KDELR3: variants seen among roughly 807,000 people sequenced by gnomAD.
KDELR3 encodes ER lumen protein-retaining receptor 3.
KDELR3 carries 26 observed loss-of-function variants against 22.7 expected under a neutral mutation model. The observed-to-expected ratio is 1.15, with a 90% CI of 0.84 to 1.59. KDELR3 has a LOEUF of 1.59. Ranked by LOEUF, KDELR3 falls within the 40% of genes most tolerant of loss-of-function variation. KDELR3 has a pLI of 0.00. For synonymous variants in KDELR3, 120 were observed against 98.2 expected (o/e 1.22, Z -1.31); for missense variants, 289 against 251.1 (o/e 1.15, Z -1.02).
chr22:38,469,802 G>A (rs2089513426), intron 1 of KDELR3, among the ~76,000 whole-genome samples: 1 of 152,174 alleles, frequency 6.6e-6, no homozygotes, highest in Non-Finnish European at 1.5e-5. Flanking sequence ...CCCTGGTGGA[G>A]CTGACTTTCT....
At chr22:38,474,323 G>A (rs1382714381) in intron 1 of KDELR3, 200 bp from the exon 2 acceptor site, 1 of 530,014 alleles carries the variant, frequency 1.9e-6, no homozygotes, top group East Asian at 3.3e-5. Context: ...ACAGTTTAAT[G>A]AGAGGAACGA....
At chr22:38,474,265 C>A (rs1012115830) in intron 1 of KDELR3, 1 of 357,246 alleles carries the variant, frequency 2.8e-6, no homozygotes, top group South Asian at 3.6e-5. Flanking sequence ...CGCAGGGGGA[C>A]TGGGAACTCG....
chr22:38,475,156 A>T (rs931229543), intron 2 of KDELR3, among the ~76,000 whole-genome samples: 2 of 151,636 alleles, frequency 1.3e-5, no homozygotes. Context: ...ATTAAATGAG[A>T]TAATAAATGT....
intron 2 of KDELR3, among the ~76,000 whole-genome samples, chr22:38,477,785 A>G (rs2089570116): frequency 6.6e-6 from 1 of 152,214 alleles, no homozygotes; most frequent in South Asian, 2.1e-4. Flanking sequence ...TCACACATGT[A>G]TCAAACATCA....
Position 38,481,444 on chromosome 22 carries a change from T to TCTA in KDELR3, c.587_589dup (p.Tyr196dup), listed in dbSNP as rs780748239. 1 of 1,614,180 alleles carries TCTA rather than the reference T, an allele frequency of 6.2e-7. No homozygotes were observed. On this transcript the variant is annotated inframe_insertion, in exon 4 of 5. Transcript: ENST00000216014. Reference sequence around the variant, plus strand: ...CAAACCATCTTCTACTGTGACTTCTTCTACTTGTATGTGACCAAAGGTAGG... The same window carrying TCTA: ...CAAACCATCTTCTACTGTGACTTCTTCTACTACTTGTATGTGACCAAAGGTAGG...
At position 38,479,731 on chromosome 22, in the gene KDELR3, TAC is replaced by T. The variant is rs567165767; in HGVS notation, c.333_334del (p.Tyr111Ter). 204 of 1,614,178 alleles carry T rather than the reference TAC, an allele frequency of 1.3e-4. 2 individuals carry two copies. The highest frequency in any genetic ancestry group is 3.3e-4 in the Middle Eastern group (2 of 6,062). ...CATTGGCCTTTCCTTCCTTGAAAAC[TAC>T]AGTTTCACTCTGCTGGAGGTAAGGG... ...PVIGLSFLEN[Y>X]SFTLLEILWT... is the part of the protein sequence containing the mutation. On this transcript the variant is annotated frameshift_variant, in exon 3 of 5. Transcript: ENST00000216014. LOFTEE classifies it high-confidence loss of function.
At chr22:38,482,091 A>C (rs1385282916) in intron 4 of KDELR3, among the ~76,000 whole-genome samples, 2 of 152,216 alleles carry the variant, frequency 1.3e-5, no homozygotes, top group Non-Finnish European at 2.9e-5. Flanking sequence ...GTATTGGGTC[A>C]TTAAAAAACC....
intron 1 of KDELR3, among the ~76,000 whole-genome samples, chr22:38,471,610 A>G (rs1460729183): frequency 6.6e-6 from 1 of 152,148 alleles, no homozygotes; most frequent in Non-Finnish European, 1.5e-5. Flanking sequence ...GCTCGCCCTA[A>G]AGCCAGCACA....
chr22:38,481,224 T>TAG lies in KDELR3; in HGVS notation c.364_365insAG (p.Phe122Ter), dbSNP rs1569133777. The change falls in exon 4 of 5, where the codon TTC (phenylalanine) becomes TAGTC (stop). Residue 122 changes from phenylalanine (F) to a stop codon, truncating the protein, a stop_gained and frameshift_variant. Transcript: ENST00000216014. LOFTEE classifies it high-confidence loss of function. ...CTCTTTGGCTCAGATCCTCTGGACT[T>TAG]TCTCTATCTATCTGGAATCAGTGGC... is the stretch of plus-strand genomic sequence containing the variant. ...SFTLLEILWT[F>*]SIYLESVAIL... The TAG allele has an allele frequency of 6.2e-7, 1 of 1,613,800 alleles. No individual in the cohort carries two copies. The highest frequency in any genetic ancestry group is 1.7e-5 in the Admixed American group (1 of 59,984).
At chr22:38,481,728 C>T in intron 4 of KDELR3, 1 of 1,165,722 alleles carries the variant, frequency 8.6e-7, no homozygotes, top group South Asian at 1.7e-5. Flanking sequence ...CATTCCAGAA[C>T]TTATTACAAG....
rs761901926 is a variant in KDELR3, at chr22:38,482,479, T to C, written c.605-17T>C. ...CATCAGATGGTAAATTCTTATTTCA[T>C]CTCCATTTTCTTCCAGTCCTTAAGG... On this transcript the variant is annotated splice_polypyrimidine_tract_variant and intron_variant, in intron 4 of 4. Transcript: ENST00000216014. 3.9e-5 allele frequency: 62 copies of C among 1,602,940 alleles called. No individual in the cohort carries two copies. Among genetic ancestry groups the C allele is most frequent in the Non-Finnish European group, 5.0e-5 (59 of 1,169,980 alleles).
At chr22:38,481,072 AATATT>A (rs1189326249) in intron 3 of KDELR3, 135 bp from the exon 4 acceptor site, 4 of 764,908 alleles carry the variant, frequency 5.2e-6, no homozygotes, top group African/African-American at 5.2e-5. Flanking sequence ...AACTGATTAA[AATATT>A]ATAATTTTTA....
chr22:38,479,247 A>G (rs1356454543), intron 2 of KDELR3, among the ~76,000 whole-genome samples: 1 of 152,092 alleles, frequency 6.6e-6, no homozygotes, highest in Non-Finnish European at 1.5e-5. Flanking sequence ...TATCCAGGAA[A>G]TTGTTTTAAA....
chr22:38,469,102 TGA>T lies in KDELR3; in HGVS notation c.91+782_91+783del, dbSNP rs1025177086. On this transcript the variant is annotated intron_variant, in intron 1 of 4. Coordinates refer to ENST00000216014, the MANE Select transcript of KDELR3 (RefSeq NM_006855.4). ...GTGGGGCTGAGGAGGCTGAGAAGGCTGAGAGTGGGCCCCGAAGGCCCTGTGGA... is the reference window on the plus strand; with the variant it reads ...GTGGGGCTGAGGAGGCTGAGAAGGCTGAGTGGGCCCCGAAGGCCCTGTGGA... 8.9e-4 allele frequency among the ~76,000 whole-genome samples: 135 copies of T among 152,260 alleles called. 1 individual carries two copies. The highest frequency in any genetic ancestry group is 3.2e-3 in the African/African-American group (133 of 41,548).
chr22:38,481,875 C>G (rs2089605146), intron 4 of KDELR3, among the ~76,000 whole-genome samples: 1 of 152,206 alleles, frequency 6.6e-6, no homozygotes, highest in African/African-American at 2.4e-5. Flanking sequence ...CTGGCCCACA[C>G]TGAAGAATTG....
At chr22:38,477,386 G>GA (rs757838375) in intron 2 of KDELR3, among the ~76,000 whole-genome samples, 38 of 149,994 alleles carry the variant, frequency 2.5e-4, no homozygotes, top group Non-Finnish European at 4.7e-4. Context: ...TGTATTTTTA[G>GA]TAGAGACGGG....
chr22:38,481,595 G>T, intron 4 of KDELR3, 131 bp downstream of exon 4: 3 of 1,522,126 alleles, frequency 2.0e-6, no homozygotes, highest in South Asian at 2.6e-5. Context: ...TCTAATGCAA[G>T]AAGACAAATA....
At chr22:38,471,486 C>T (rs748584694) in intron 1 of KDELR3, among the ~76,000 whole-genome samples, 9 of 152,202 alleles carry the variant, frequency 5.9e-5, no homozygotes, top group Non-Finnish European at 1.3e-4. Context: ...CACGTGCGCG[C>T]GTGCTAGACC....
intron 4 of KDELR3, chr22:38,481,770 AC>A (rs138434): frequency 0.6 from 444,126 of 734,600 alleles, 138,076 homozygotes; most frequent in Admixed American, 0.65. Context: ...GGTGTGATGG[AC>A]AAAAAGCCTA....
Sources: allele counts gnomAD v4.1 joint callset (sites outside exome capture counted in the v4.1 genomes callset), GRCh38; gene constraint gnomAD v4.1.1; transcripts MANE v1.5; gene names NCBI Gene and HGNC (gene_info 2026-07-23, HGNC 2026-07-21).